Variants in PCYT1A observed in about 807,000 individuals in gnomAD.
PCYT1A encodes choline-phosphate cytidylyltransferase A.
Under a neutral mutation model 43.7 loss-of-function variants are expected in PCYT1A, and 25 were observed. The ratio of observed to expected loss-of-function variants is 0.57; its 90% CI spans 0.42 to 0.80. The LOEUF is 0.80. Ranked by LOEUF, PCYT1A falls within the 30% of genes least tolerant of loss-of-function variation. PCYT1A has a pLI of 0.00. For synonymous variants in PCYT1A, 172 were observed against 170.7 expected, an observed-to-expected ratio of 1.01 and a Z score of -0.06; for missense variants, 421 against 474.2, an observed-to-expected ratio of 0.89 and a Z score of 1.04.
In PCYT1A at chr3:196,235,335, C is replaced by T. The variant is rs1416480616; in HGVS notation, c.*3353G>A. ...AGCCTCCAAAAACACCACCATCACT[C>T]AGGTGCAGCCTAAGGAGTCATCAGT... is the stretch of plus-strand genomic sequence containing the variant. On this transcript the variant is annotated 3_prime_UTR_variant, in exon 9 of 9. Transcript: ENST00000431016. The surrounding 1 kb of genome is among the most constrained non-coding windows in gnomAD (Gnocchi z 4.3). 1.3e-5 allele frequency: 2 copies of T among 152,262 alleles called. No homozygotes were observed. Among genetic ancestry groups the T allele is most frequent in the African/African-American group, 4.8e-5 (2 of 41,448 alleles). 9.4% of individuals were successfully genotyped at this position (152,262 alleles called of 1,614,324 possible).
rs775871201 is a variant in PCYT1A at position 196,248,201 on chromosome 3, T to C, written c.334+6A>G. 1 of 1,521,328 alleles carries C rather than the reference T, an allele frequency of 6.6e-7. No homozygotes were observed. Among genetic ancestry groups the C allele is most frequent in the Non-Finnish European group, 9.1e-7 (1 of 1,095,332 alleles). The allele number at this position is 1,521,328 out of a possible 1,614,324, so 94.2% of individuals were successfully genotyped here. ...CAGCACCTGAAGTCACCAAATGTTT[T>C]CTTACCTCCCACAATGAGGTACGTA... On this transcript the variant is annotated splice_donor_region_variant and intron_variant, in intron 4 of 8. Transcript: ENST00000431016.
At position 196,259,680 on chromosome 3, in the gene PCYT1A, C is replaced by CA. The variant is rs531235615; in HGVS notation, c.118-1794dup. 6.6e-5 allele frequency among the ~76,000 whole-genome samples: 10 copies of CA among 151,222 alleles called. No individual in the cohort carries two copies. The East Asian group carries it at 2.0e-3, about 30-fold the overall frequency. ...GCAACATGACGAAACCCTGTCTCTA[C>CA]AAAAAAATACAAACATTAGCTGGGC... is the stretch of plus-strand genomic sequence containing the variant. On this transcript the variant is annotated intron_variant, in intron 2 of 8. Transcript: ENST00000431016.
chr3:196,250,294 A>G (rs533299131), intron 3 of PCYT1A, among the ~76,000 whole-genome samples: 189 of 151,308 alleles, frequency 1.2e-3, no homozygotes, highest in Non-Finnish European at 1.6e-3. Context: ...CGAGGACCAG[A>G]TACACTATGC....
At chr3:196,253,992 A>G (rs1007410014) in intron 3 of PCYT1A, among the ~76,000 whole-genome samples, 9 of 149,498 alleles carry the variant, frequency 6.0e-5, no homozygotes, top group Admixed American at 5.4e-4. Context: ...TATTATGCAT[A>G]TATTACATAT....
chr3:196,240,013 T>C, intron 7 of PCYT1A: 1 of 388,664 alleles, frequency 2.6e-6, no homozygotes, highest in Non-Finnish European at 4.6e-6. Flanking sequence ...AAGTCAGAGT[T>C]TTAAAGATAA....
At chr3:196,267,770 CTG>C (rs1725319698) in intron 2 of PCYT1A, among the ~76,000 whole-genome samples, 1 of 151,944 alleles carries the variant, frequency 6.6e-6, no homozygotes, top group Non-Finnish European at 1.5e-5. Flanking sequence ...TTGCACAACT[CTG>C]TGAATAAACT....
intron 2 of PCYT1A, 40 bp from the exon 3 acceptor site, chr3:196,257,927 A>C (rs1724996471): frequency 8.4e-7 from 1 of 1,195,310 alleles, no homozygotes. Flanking sequence ...AGTTCAACTC[A>C]ATGGCATACA....
At position 196,238,452 on chromosome 3, in the gene PCYT1A, G is replaced by GA. The variant is rs1724239984; in HGVS notation, c.*235_*236insT. The GA allele has an allele frequency of 2.7e-6, 1 of 365,962 alleles. No individual in the cohort carries two copies. The allele number at this position is 365,962 out of a possible 1,614,324, so 22.7% of individuals were successfully genotyped here. Reference sequence around the variant, plus strand: ...CAGTGAAACAAAGCCCTTGGGGGGGGGTAAATGGATGCAGAGCAGGCTTCT... The same window carrying GA: ...CAGTGAAACAAAGCCCTTGGGGGGGGAGTAAATGGATGCAGAGCAGGCTTCT... On this transcript the variant is annotated 3_prime_UTR_variant, in exon 9 of 9. Coordinates refer to ENST00000431016, the MANE Select transcript of PCYT1A (RefSeq NM_001312673.2).
chr3:196,267,266 C>T (rs1364445469), intron 2 of PCYT1A: 1 of 454,486 alleles, frequency 2.2e-6, no homozygotes, highest in Non-Finnish European at 4.4e-6. Flanking sequence ...AAGCCAGCCC[C>T]AAAGACCACA....
intron 2 of PCYT1A, among the ~76,000 whole-genome samples, chr3:196,265,383 A>C (rs941087184): frequency 5.9e-5 from 9 of 152,156 alleles, no homozygotes; most frequent in African/African-American, 1.9e-4. Flanking sequence ...ATATTAAGAT[A>C]AGCTAAACGT....
chr3:196,285,333 C>A (rs1725879571), intron 1 of PCYT1A, among the ~76,000 whole-genome samples: 1 of 152,136 alleles, frequency 6.6e-6, no homozygotes, highest in Non-Finnish European at 1.5e-5. Flanking sequence ...GTGGCACATG[C>A]CTGTAGTCCC....
Position 196,242,075 on chromosome 3 carries a change from G to A in PCYT1A, c.581C>T (p.Thr194Ile). 2 of 1,614,050 alleles carry A rather than the reference G, an allele frequency of 1.2e-6. No homozygotes were observed. Among genetic ancestry groups the A allele is most frequent in the Non-Finnish European group, 1.7e-6 (2 of 1,180,032 alleles). Residue 194 changes from threonine (T) to isoleucine (I), a missense_variant, in exon 7 of 9, where the codon ACA becomes ATA. Around this residue, in one of 3 missense-constraint regions of PCYT1A, gnomAD observed 174 missense variants for 270.7 expected, o/e 0.64. Coordinates refer to ENST00000431016, the MANE Select transcript of PCYT1A (RefSeq NM_001312673.2). This position sits in a 1 kb window ranked among gnomAD's most constrained non-coding sequence, Gnocchi z 4.2. The part of the protein sequence containing the change: ...HIKEAGMFAP[T>I]QRTEGISTSD... ...TGTGGAGATACCTTCTGTCCTCTGTGTTGGAGCAAACATGCCTAACTCAGA... is the reference window on the plus strand; with the variant it reads ...TGTGGAGATACCTTCTGTCCTCTGTATTGGAGCAAACATGCCTAACTCAGA...
chr3:196,246,515 C>T (rs1724574987), intron 5 of PCYT1A, among the ~76,000 whole-genome samples: 2 of 151,974 alleles, frequency 1.3e-5, no homozygotes, highest in South Asian at 2.1e-4. Context: ...GGATTACAGG[C>T]GTGAGCCACT....
intron 2 of PCYT1A, among the ~76,000 whole-genome samples, chr3:196,260,174 C>T (rs1056500916): frequency 6.6e-6 from 1 of 151,982 alleles, no homozygotes; most frequent in African/African-American, 2.4e-5. Context: ...CCACCCGCTT[C>T]GGCCTCCTAA....
At chr3:196,267,035 C>T (rs969734000) in intron 2 of PCYT1A, among the ~76,000 whole-genome samples, 1 of 151,824 alleles carries the variant, frequency 6.6e-6, no homozygotes. Flanking sequence ...AAAAATCAGC[C>T]GGATGTGGTG....
intron 2 of PCYT1A, among the ~76,000 whole-genome samples, chr3:196,260,757 A>G (rs1725085398): frequency 6.6e-6 from 1 of 152,102 alleles, no homozygotes. Context: ...CAGAAGAATC[A>G]CTTGAACCCA....
chr3:196,258,503 CGTT>C (rs1470489149), intron 2 of PCYT1A, among the ~76,000 whole-genome samples: 1 of 151,726 alleles, frequency 6.6e-6, no homozygotes, highest in African/African-American at 2.4e-5. Context: ...TTCTAGTATC[CGTT>C]GTTGTTTCAT....
intron 3 of PCYT1A, 88 bp from the exon 4 acceptor site, chr3:196,248,411 A>G: frequency 2.6e-6 from 2 of 778,112 alleles, no homozygotes; most frequent in South Asian, 3.1e-5. Context: ...TCACTCTGTC[A>G]CCCAGGCTGG....
At chr3:196,254,335 A>AT (rs922135734) in intron 3 of PCYT1A, among the ~76,000 whole-genome samples, 15 of 150,786 alleles carry the variant, frequency 9.9e-5, no homozygotes, top group Admixed American at 2.6e-4. Flanking sequence ...CTATATATAT[A>AT]TTTTTTTAAT....
Sources: gnomAD v4.1 joint callset for allele counts (sites outside exome capture counted in the v4.1 genomes callset) on GRCh38, gnomAD v4.1.1 for gene constraint, gnomAD v4.1.1 regional missense constraint, Gnocchi (gnomAD v3.1) non-coding constraint, MANE v1.5 for transcripts, NCBI Gene and HGNC (gene_info 2026-07-23, HGNC 2026-07-21) for gene names.